ARAP3: variants seen among roughly 807,000 people sequenced by gnomAD.
ARAP3 encodes the protein ArfGAP with RhoGAP domain, ankyrin repeat and PH domain 3.
ARAP3 carries 82 observed loss-of-function variants against 169.2 expected under a neutral mutation model. The observed-to-expected ratio is 0.48, with a 90% CI of 0.41 to 0.58. ARAP3 has a LOEUF of 0.58. ARAP3 is among the 20% of genes least tolerant of loss of function. The probability of loss-of-function intolerance (pLI) is 0.00; values close to 1 mark genes in which losing one functional copy is unlikely to be tolerated. For missense variants in ARAP3, 1,764 were observed against 2,018.0 expected (o/e 0.87, Z 2.41); for synonymous variants, 791 against 800.3 (o/e 0.99, Z 0.20).
Position 141,653,624 on chromosome 5 carries a change from C to T in ARAP3, c.*326G>A, listed in dbSNP as rs923896488. ...TTAAAACCCAAAATCTCTCATGGAA[C>T]CCCTACGTATCAAATATATAAAGCA... On this transcript the variant is annotated 3_prime_UTR_variant, in exon 33 of 33. Transcript: ENST00000239440. The T allele has an allele frequency of 1.4e-5, 3 of 221,474 alleles. No individual in the cohort carries two copies. The highest frequency in any genetic ancestry group is 2.6e-5 in the Non-Finnish European group (3 of 114,028). The allele number at this position is 221,474 out of a possible 1,614,324, so 13.7% of individuals were successfully genotyped here. A position where few individuals can be genotyped will look rare whatever the true frequency, so the allele number is the denominator to read the frequency against.
chr5:141,669,299 G>A (rs945117367), intron 16 of ARAP3, among the ~76,000 whole-genome samples: 6 of 152,274 alleles, frequency 3.9e-5, no homozygotes, highest in South Asian at 2.1e-4. Context: ...CTTTGCCTCC[G>A]GGCCTGCTGG....
rs2099911281 is a variant in ARAP3, at chr5:141,670,547, T to C, written c.2072A>G (p.Lys691Arg). ...GFLYCSPVSN[K>R]AGPSPPRRGR... ...CCTGCGAGGGGGTGAGGGTCCAGCT[T>C]TGTTGCTGACGGGACTGCAGTACAG... Residue 691 changes from lysine to arginine, a missense_variant, in exon 14 of 33, where the codon AAA becomes AGA. Coordinates refer to ENST00000239440, the MANE Select transcript of ARAP3 (RefSeq NM_022481.6). 4 of 1,613,918 alleles carry C rather than the reference T, an allele frequency of 2.5e-6. No individual in the cohort carries two copies. In the Admixed American group the frequency reaches 6.7e-5, roughly 27 times the overall value.
chr5:141,672,203 A>T lies in ARAP3; in HGVS notation c.1484T>A (p.Ile495Asn). The change falls in exon 10 of 33, where the codon ATC becomes AAC. Residue 495 changes from isoleucine (I) to asparagine (N), a missense_variant. Physicochemically the swap from Ile to Asn is moderately radical, Grantham distance 149. This residue lies in a region of ARAP3 where 630 missense variants were observed against 678.7 expected (regional missense o/e 0.93). Coordinates refer to ENST00000239440, the MANE Select transcript of ARAP3 (RefSeq NM_022481.6). The surrounding 1 kb of genome is among the most constrained non-coding windows in gnomAD (Gnocchi z 4.9). The part of the protein sequence containing the change: ...TLSDYEVAEK[I>N]WSNRANRQCA... ...CTGCCGGTTGGCCCGATTAGACCAG[A>T]TCTTCTCAGCCACCTCGTAGTCAGA... 1 of 1,614,170 alleles carries T rather than the reference A, an allele frequency of 6.2e-7. No individual in the cohort carries two copies. Among genetic ancestry groups the T allele is most frequent in the South Asian group, 1.1e-5 (1 of 91,088 alleles).
intron 31 of ARAP3, 37 bp from the exon 32 acceptor site, chr5:141,655,437 G>A (rs1301237337): frequency 1.9e-6 from 3 of 1,585,106 alleles, no homozygotes; most frequent in African/African-American, 1.3e-5. Context: ...GGGAAGGAAA[G>A]ACATAAAGAC....
At position 141,653,959 on chromosome 5, in the gene ARAP3, G is replaced by A; in HGVS notation, c.4626C>T (p.Pro1542=). The change falls in exon 33 of 33, where the codon CCC becomes CCT. Residue 1542 remains proline (P), a synonymous_variant. Transcript: ENST00000239440. ...ACTGCTGGTCCTAGGGTCATGTGAG[G>A]GGCTGGCTGGAGGGTGGACTGGAAG... The part of the protein sequence containing the change: ...PCTSSPPSSQ[P]LT 1 of 1,529,690 alleles carries A rather than the reference G, an allele frequency of 6.5e-7. No individual in the cohort carries two copies. Among genetic ancestry groups the A allele is most frequent in the Non-Finnish European group, 8.8e-7 (1 of 1,139,914 alleles). The allele number at this position is 1,529,690 out of a possible 1,614,324, so 94.8% of individuals were successfully genotyped here.
Position 141,670,069 on chromosome 5 carries a change from G to A in ARAP3, c.2108-6C>T. On this transcript the variant is annotated splice_polypyrimidine_tract_variant and splice_region_variant and intron_variant, in intron 14 of 32. Coordinates refer to ENST00000239440, the MANE Select transcript of ARAP3 (RefSeq NM_022481.6). ...ACACCAAAGGCGCGGGGGAGCTAAG[G>A]CAGAGGGAGATAGTCAGGGAGCAGC... 1 of 1,585,100 alleles carries A rather than the reference G, an allele frequency of 6.3e-7. No individual in the cohort carries two copies. The highest frequency in any genetic ancestry group is 8.5e-7 in the Non-Finnish European group (1 of 1,172,914).
intron 25 of ARAP3, among the ~76,000 whole-genome samples, chr5:141,657,383 G>A (rs952111503): frequency 2.6e-5 from 4 of 152,234 alleles, no homozygotes; most frequent in African/African-American, 9.6e-5. Context: ...GGACGCAGGG[G>A]TCAGACATTC....
At chr5:141,666,889 AAAG>A (rs1178783637) in intron 16 of ARAP3, 1 of 398,818 alleles carries the variant, frequency 2.5e-6, no homozygotes, top group Non-Finnish European at 4.4e-6. Context: ...TCCCCAACAT[AAAG>A]AAGACCCCTG....
At chr5:141,674,017 GCAAT>G (rs1314358567) in intron 4 of ARAP3, among the ~76,000 whole-genome samples, 3 of 134,486 alleles carry the variant, frequency 2.2e-5, no homozygotes, top group African/African-American at 8.6e-5. Flanking sequence ...AGGCTGGAGT[GCAAT>G]AGCGCAATCT....
Position 141,654,349 on chromosome 5 carries a change from C to T in ARAP3, c.4236G>A (p.Gly1412=). 1.9e-6 allele frequency: 3 copies of T among 1,613,984 alleles called. No homozygotes were observed. Among genetic ancestry groups the T allele is most frequent in the African/African-American group, 1.3e-5 (1 of 74,984 alleles). ...TGTCCTGGATCAACTCAGGGAAGGC[C>T]CCTACTTCCTCATACACTGGCTCCT... The part of the protein sequence containing the change: ...VYEEPVYEEV[G]AFPELIQDTS... Residue 1412 remains glycine (G), a synonymous_variant, in exon 33 of 33, where the codon GGG becomes GGA. Transcript: ENST00000239440.
intron 22 of ARAP3, 58 bp from the exon 23 acceptor site, chr5:141,659,534 C>T: frequency 5.7e-6 from 9 of 1,577,156 alleles, no homozygotes; most frequent in Middle Eastern, 1.7e-4. Flanking sequence ...CCGGGAAGAT[C>T]TCAAGGCCAA....
chr5:141,671,882 T>G lies in ARAP3; in HGVS notation c.1671+13A>C, dbSNP rs200370870. 1.2e-6 allele frequency: 2 copies of G among 1,614,168 alleles called. No homozygotes were observed. On this transcript the variant is annotated intron_variant, in intron 11 of 32. Coordinates refer to ENST00000239440, the MANE Select transcript of ARAP3 (RefSeq NM_022481.6). This position sits in a 1 kb window ranked among gnomAD's most constrained non-coding sequence, Gnocchi z 4.9. ...TTCTACGCCTCCCACCTTCTCCCTCTTCGCCCGCTCACCTGTACTATCTCA... is the reference window on the plus strand; with the variant it reads ...TTCTACGCCTCCCACCTTCTCCCTCGTCGCCCGCTCACCTGTACTATCTCA...
At chr5:141,670,339 T>C (rs960167252) in intron 14 of ARAP3, among the ~76,000 whole-genome samples, 173 bp downstream of exon 14, 3 of 152,082 alleles carry the variant, frequency 2.0e-5, no homozygotes, top group African/African-American at 7.2e-5. Flanking sequence ...CTCTTAACTA[T>C]CACCCAATGC....
At chr5:141,673,344 C>T (rs970985409) in intron 6 of ARAP3, 57 bp downstream of exon 6, 1 of 1,606,468 alleles carries the variant, frequency 6.2e-7, no homozygotes, top group African/African-American at 1.3e-5. Flanking sequence ...AATTCTGAGC[C>T]CCTCTCAGCC....
intron 17 of ARAP3, among the ~76,000 whole-genome samples, chr5:141,665,788 T>C (rs1298499423): frequency 6.6e-6 from 1 of 152,026 alleles, no homozygotes; most frequent in Non-Finnish European, 1.5e-5. Context: ...CCCAGCACTG[T>C]GGGAGGCCAA....
intron 20 of ARAP3, 94 bp from the exon 21 acceptor site, chr5:141,661,883 G>T: frequency 6.8e-7 from 1 of 1,473,790 alleles, no homozygotes; most frequent in South Asian, 1.2e-5. Context: ...AATGCAGGAT[G>T]GATGTGTCTC....
In ARAP3 at chr5:141,673,655, G is replaced by T. The variant is rs1488182613; in HGVS notation, c.852C>A (p.Asp284Glu). 1.2e-6 allele frequency: 2 copies of T among 1,614,238 alleles called. No homozygotes were observed. Among genetic ancestry groups the T allele is most frequent in the Non-Finnish European group, 1.7e-6 (2 of 1,180,046 alleles). ...AGCCACTGAGCAGGGGCGTGAGGCG[G>T]TCTGCCGTGAAGGAGAAGCTGGCAT... is the stretch of plus-strand genomic sequence containing the variant. ...SPYASFSFTA[D>E]RLTPLLSGWL... The change falls in exon 5 of 33, where the codon GAC becomes GAA. Residue 284 changes from aspartate to glutamate, a missense_variant. Around this residue, in one of 3 missense-constraint regions of ARAP3, gnomAD observed 630 missense variants for 678.7 expected, o/e 0.93. Transcript: ENST00000239440.
At chr5:141,668,690 T>G (rs2099911018) in intron 16 of ARAP3, among the ~76,000 whole-genome samples, 3 of 152,136 alleles carry the variant, frequency 2.0e-5, no homozygotes, top group Non-Finnish European at 4.4e-5. Context: ...TGTGAGGAGT[T>G]GTAGGAGACC....
rs200198697 is a variant in ARAP3 at position 141,679,602 on chromosome 5, G to A, written c.641C>T (p.Pro214Leu). 4.3e-5 allele frequency: 69 copies of A among 1,614,140 alleles called. No individual in the cohort carries two copies. In the African/African-American group the frequency reaches 8.7e-4, roughly 20 times the overall value. ...GCTCTCTCTTCTGTCGGGGGCTCCT[G>A]GAGTCCCCACAGGTTGGACACCATA... Reference protein sequence around the residue: ...LYYGVQPVGTPGAPDRRESRG... With the variant: ...LYYGVQPVGTLGAPDRRESRG... The change falls in exon 4 of 33, where the codon CCA (proline) becomes CTA (leucine). Residue 214 changes from proline (P) to leucine (L), a missense_variant. By Grantham distance (98) the Pro-to-Leu change is moderately conservative. This residue lies in a region of ARAP3 where 630 missense variants were observed against 678.7 expected (regional missense o/e 0.93). Transcript: ENST00000239440.
Sources: allele counts gnomAD v4.1 joint callset (sites outside exome capture counted in the v4.1 genomes callset), GRCh38; gene constraint gnomAD v4.1.1; regional missense constraint gnomAD v4.1.1; non-coding constraint Gnocchi (gnomAD v3.1); transcripts MANE v1.5; gene names NCBI Gene and HGNC (gene_info 2026-07-23, HGNC 2026-07-21).